The following EIPR1 variants were observed in gnomAD, a reference collection of about 807,000 sequenced individuals.
EIPR1 encodes EARP and GARP complex-interacting protein 1.
In EIPR1, 25 loss-of-function variants were observed where a neutral mutation model predicts 48.1. The observed-to-expected ratio is 0.52, with a 90% CI of 0.38 to 0.73. The LOEUF (loss-of-function observed/expected upper bound fraction) is 0.73. Among genes scored for constraint, EIPR1 ranks in the 30% least tolerant of loss-of-function variants. EIPR1 has a pLI of 0.00. For missense variants in EIPR1, 415 were observed against 506.2 expected (o/e 0.82, Z 1.73); for synonymous variants, 204 against 201.9 (o/e 1.01, Z -0.09).
intron 4 of EIPR1, among the ~76,000 whole-genome samples, chr2:3,215,727 G>C (rs530402295): frequency 4.6e-5 from 7 of 152,048 alleles, no homozygotes; most frequent in Non-Finnish European, 8.8e-5. Flanking sequence ...GGATTGATTG[G>C]GGGCACCCTC....
chr2:3,249,728 CA>C (rs1398334992), intron 4 of EIPR1, among the ~76,000 whole-genome samples: 2 of 152,168 alleles, frequency 1.3e-5, no homozygotes, highest in African/African-American at 4.8e-5. Context: ...ATCCAAGGTC[CA>C]AAGGCCCAGG....
intron 5 of EIPR1, chr2:3,208,609 G>C: frequency 6.4e-7 from 1 of 1,550,640 alleles, no homozygotes; most frequent in Non-Finnish European, 8.7e-7. Context: ...CTGAGTGTCT[G>C]TTGAATGAAT....
chr2:3,367,649 T>C (rs749138877), intron 1 of EIPR1, among the ~76,000 whole-genome samples: 1 of 152,200 alleles, frequency 6.6e-6, no homozygotes, highest in Non-Finnish European at 1.5e-5. Flanking sequence ...ATGCAAACGC[T>C]GGGCCAATAT....
At chr2:3,217,690 C>G (rs1665684539) in intron 4 of EIPR1, among the ~76,000 whole-genome samples, 1 of 152,118 alleles carries the variant, frequency 6.6e-6, no homozygotes, top group African/African-American at 2.4e-5. Flanking sequence ...GAGGCAGACA[C>G]CAGTACCACG....
intron 4 of EIPR1, among the ~76,000 whole-genome samples, chr2:3,217,527 C>T (rs1048077900): frequency 5.3e-5 from 8 of 152,072 alleles, no homozygotes; most frequent in African/African-American, 1.9e-4. Flanking sequence ...AAGAATAACC[C>T]TAAATATTTC....
intron 1 of EIPR1, among the ~76,000 whole-genome samples, chr2:3,373,483 T>C (rs1362269075): frequency 3.3e-5 from 5 of 151,544 alleles, no homozygotes; most frequent in East Asian, 1.9e-4. Flanking sequence ...AAAACCCCAT[T>C]GTCTCAGCCC....
At chr2:3,309,877 G>C (rs908295754) in intron 3 of EIPR1, among the ~76,000 whole-genome samples, 17 of 152,222 alleles carry the variant, frequency 1.1e-4, no homozygotes, top group Non-Finnish European at 1.9e-4. Flanking sequence ...GGTTAGGAAA[G>C]AGACGGTGGT....
At chr2:3,216,530 A>G (rs1287306105) in intron 4 of EIPR1, among the ~76,000 whole-genome samples, 7 of 152,140 alleles carry the variant, frequency 4.6e-5, no homozygotes, top group African/African-American at 1.7e-4. Flanking sequence ...GAACTAGCCA[A>G]TCTGATGTCA....
At chr2:3,235,424 A>G (rs555831273) in intron 4 of EIPR1, among the ~76,000 whole-genome samples, 2,188 of 109,124 alleles carry the variant, frequency 0.02, 22 homozygotes, top group South Asian at 0.032. Context: ...GCGGGTGCGC[A>G]CACACACACA....
At chr2:3,365,939 C>T (rs1006558082) in intron 1 of EIPR1, among the ~76,000 whole-genome samples, 2 of 86,642 alleles carry the variant, frequency 2.3e-5, no homozygotes, top group African/African-American at 3.4e-5. Flanking sequence ...CCCGCCCGGC[C>T]AGCCGCCCAG....
At chr2:3,232,995 G>A (rs1666289700) in intron 4 of EIPR1, among the ~76,000 whole-genome samples, 1 of 152,148 alleles carries the variant, frequency 6.6e-6, no homozygotes, top group South Asian at 2.1e-4. Flanking sequence ...ACTTTACACT[G>A]TAAACGCAAA....
intron 3 of EIPR1, among the ~76,000 whole-genome samples, chr2:3,276,585 C>T (rs1430372262): frequency 6.6e-6 from 1 of 152,232 alleles, no homozygotes. Context: ...AGCACAGTGG[C>T]CCATGTGCCA....
chr2:3,364,917 T>G (rs902523952), intron 1 of EIPR1, among the ~76,000 whole-genome samples: 6 of 152,150 alleles, frequency 3.9e-5, no homozygotes, highest in Admixed American at 3.9e-4. Flanking sequence ...GTTTGGTATA[T>G]CAGCAGGTTG....
At chr2:3,206,981 TAA>T (rs1346333276) in intron 5 of EIPR1, among the ~76,000 whole-genome samples, 2 of 152,200 alleles carry the variant, frequency 1.3e-5, no homozygotes, top group African/African-American at 4.8e-5. Flanking sequence ...GAAAGTCATT[TAA>T]TTATGAAGGA....
At position 3,325,929 on chromosome 2, in the gene EIPR1, T is replaced by C. The variant is rs114283832; in HGVS notation, c.259+12088A>G. Among the ~76,000 whole-genome samples the C allele has an allele frequency of 3.7e-3, 565 of 152,318 alleles. 4 individuals are homozygous for C. The highest frequency in any genetic ancestry group is 0.013 in the African/African-American group (545 of 41,588). On this transcript the variant is annotated intron_variant, in intron 3 of 8. Coordinates refer to ENST00000382125, the MANE Select transcript of EIPR1 (RefSeq NM_003310.5). ...TGCCCTGCTTAAGAAGCTCCCATCATGGAAGGGAAGGCTCGGTCAGTGAGC... is the reference window on the plus strand; with the variant it reads ...TGCCCTGCTTAAGAAGCTCCCATCACGGAAGGGAAGGCTCGGTCAGTGAGC...
chr2:3,211,878 C>T (rs1001967137), intron 5 of EIPR1, among the ~76,000 whole-genome samples: 4 of 152,246 alleles, frequency 2.6e-5, no homozygotes, highest in East Asian at 3.8e-4. Context: ...AGACACAGGA[C>T]GGCCATCCCT....
Position 3,335,170 on chromosome 2 carries a change from A to T in EIPR1, c.259+2847T>A, listed in dbSNP as rs181473661. ...GGTGGGGGCCTGGAGACCCCAGGCC[A>T]GTGCGCTACGAAGCTACAGCCAGTA... On this transcript the variant is annotated intron_variant, in intron 3 of 8. Transcript: ENST00000382125. Among the ~76,000 whole-genome samples, 418 of 152,254 alleles carry T rather than the reference A, an allele frequency of 2.7e-3. 3 individuals are homozygous for T. Among genetic ancestry groups the T allele is most frequent in the Admixed American group, 4.5e-3 (69 of 15,300 alleles).
At chr2:3,215,174 A>G (rs750713219) in intron 4 of EIPR1, among the ~76,000 whole-genome samples, 5 of 152,224 alleles carry the variant, frequency 3.3e-5, no homozygotes, top group Non-Finnish European at 7.3e-5. Context: ...TAAGGAATGG[A>G]CACTGACCAG....
intron 4 of EIPR1, among the ~76,000 whole-genome samples, chr2:3,235,244 A>T (rs1666363024): frequency 6.6e-6 from 1 of 152,250 alleles, no homozygotes; most frequent in South Asian, 2.1e-4. Flanking sequence ...TGACTTAAAA[A>T]GGTGACGCCG....
Sources: allele counts gnomAD v4.1 joint callset (sites outside exome capture counted in the v4.1 genomes callset), GRCh38; gene constraint gnomAD v4.1.1; transcripts MANE v1.5; gene names NCBI Gene and HGNC (gene_info 2026-07-23, HGNC 2026-07-21).